SCIN: variants seen among roughly 807,000 people sequenced by gnomAD.
SCIN encodes the protein scinderin, also known as adseverin.
SCIN carries 91 observed loss-of-function variants against 91.8 expected under a neutral mutation model. The observed-to-expected ratio is 0.99, with a 90% CI of 0.84 to 1.18. SCIN has a LOEUF of 1.18. Ranked by LOEUF, SCIN falls within the 50% of genes most tolerant of loss-of-function variation. The probability of loss-of-function intolerance (pLI) is 0.00; values close to 1 mark genes in which losing one functional copy is unlikely to be tolerated. For synonymous variants in SCIN, 367 were observed against 312.6 expected (o/e 1.17, Z -1.84); for missense variants, 1,087 against 863.9 (o/e 1.26, Z -3.24).
intron 3 of SCIN, among the ~76,000 whole-genome samples, chr7:12,588,445 A>G (rs901165832): frequency 6.6e-6 from 1 of 152,126 alleles, no homozygotes; most frequent in Non-Finnish European, 1.5e-5. Flanking sequence ...AGGGCGCTGT[A>G]AGGTTAGCCG....
intron 7 of SCIN, 76 bp from the exon 8 acceptor site, chr7:12,626,508 G>T (rs1397571345): frequency 8.9e-7 from 1 of 1,127,426 alleles, no homozygotes; most frequent in Non-Finnish European, 1.2e-6. Flanking sequence ...CCTTACTTTT[G>T]TCTCCACTGC....
intron 6 of SCIN, among the ~76,000 whole-genome samples, 183 bp downstream of exon 6, chr7:12,625,325 G>A (rs868500230): frequency 6.7e-6 from 1 of 149,782 alleles, no homozygotes; most frequent in Non-Finnish European, 1.5e-5. Flanking sequence ...AGGGATTATG[G>A]AGTTAAAAAA....
At chr7:12,602,178 A>C (rs1782971652) in intron 3 of SCIN, among the ~76,000 whole-genome samples, 2 of 152,244 alleles carry the variant, frequency 1.3e-5, no homozygotes, top group South Asian at 4.1e-4. Context: ...CAGGGGTGAC[A>C]TCACATATTG....
intron 10 of SCIN, among the ~76,000 whole-genome samples, chr7:12,638,502 G>C (rs1783796954): frequency 6.6e-6 from 1 of 152,184 alleles, no homozygotes; most frequent in South Asian, 2.1e-4. Flanking sequence ...CCTTTACATG[G>C]TTGTGCCTGT....
intron 3 of SCIN, among the ~76,000 whole-genome samples, chr7:12,591,849 T>C (rs567306514): frequency 6.6e-6 from 1 of 152,106 alleles, no homozygotes; most frequent in Non-Finnish European, 1.5e-5. Flanking sequence ...CCTAAGTAAG[T>C]CATCATGGAG....
chr7:12,607,518 T>C (rs1409772939), intron 4 of SCIN, among the ~76,000 whole-genome samples: 1 of 152,224 alleles, frequency 6.6e-6, no homozygotes, highest in Non-Finnish European at 1.5e-5. Flanking sequence ...TTTAAAATAT[T>C]AGTGATAAGG....
chr7:12,605,650 T>G (rs1783067639), intron 4 of SCIN, among the ~76,000 whole-genome samples: 1 of 152,202 alleles, frequency 6.6e-6, no homozygotes, highest in Non-Finnish European at 1.5e-5. Context: ...GTGGGTGGAA[T>G]TTCCACTTGT....
intron 8 of SCIN, among the ~76,000 whole-genome samples, chr7:12,627,204 G>T (rs1478757317): frequency 6.6e-6 from 1 of 151,256 alleles, no homozygotes; most frequent in East Asian, 1.9e-4. Context: ...ATATTTAATG[G>T]CTCTCCACAG....
intron 2 of SCIN, among the ~76,000 whole-genome samples, chr7:12,579,873 C>A (rs1350992204): frequency 6.6e-6 from 1 of 152,172 alleles, no homozygotes; most frequent in Non-Finnish European, 1.5e-5. Flanking sequence ...GAGGTCATGC[C>A]ATTGCTCTCC....
intron 10 of SCIN, among the ~76,000 whole-genome samples, chr7:12,637,215 AACAGTGCAGAACAAGC>A (rs1361252526): frequency 6.6e-6 from 1 of 152,246 alleles, no homozygotes; most frequent in Admixed American, 6.5e-5. Context: ...AAATAAATAC[AACAGTGCAGAACAAGC>A]ACAGATTAAC....
intron 3 of SCIN, chr7:12,589,444 C>G (rs866830722): frequency 6.6e-6 from 1 of 152,210 alleles, no homozygotes; most frequent in African/African-American, 2.4e-5. Context: ...AAGATGGTCT[C>G]GATCTCCTGA....
At chr7:12,637,171 C>G (rs1783768401) in intron 10 of SCIN, among the ~76,000 whole-genome samples, 1 of 152,054 alleles carries the variant, frequency 6.6e-6, no homozygotes, top group South Asian at 2.1e-4. Flanking sequence ...TTTTAAGCCA[C>G]TAAATCATAG....
At chr7:12,582,900 A>C (rs756264083) in intron 3 of SCIN, among the ~76,000 whole-genome samples, 1 of 152,142 alleles carries the variant, frequency 6.6e-6, no homozygotes, top group Non-Finnish European at 1.5e-5. Context: ...CACCACTTGT[A>C]CTCTAAAGCC....
At chr7:12,625,686 G>A in intron 6 of SCIN, 76 bp from the exon 7 acceptor site, 1 of 1,034,920 alleles carries the variant, frequency 9.7e-7, no homozygotes, top group Non-Finnish European at 1.4e-6. Flanking sequence ...GTTTATTATG[G>A]TACACAAGTA....
chr7:12,612,958 A>G (rs890883138), intron 4 of SCIN, among the ~76,000 whole-genome samples: 3 of 152,184 alleles, frequency 2.0e-5, no homozygotes, highest in African/African-American at 7.2e-5. Flanking sequence ...CTTGGCAATC[A>G]TCTCTGAATG....
At chr7:12,587,849 C>T (rs914199935) in intron 3 of SCIN, among the ~76,000 whole-genome samples, 1 of 152,152 alleles carries the variant, frequency 6.6e-6, no homozygotes, top group Non-Finnish European at 1.5e-5. Context: ...ACTAGTCTTA[C>T]ACCACCTCAC....
chr7:12,593,397 T>A (rs1420591140), intron 3 of SCIN, among the ~76,000 whole-genome samples: 1 of 152,160 alleles, frequency 6.6e-6, no homozygotes, highest in East Asian at 1.9e-4. Context: ...CTTTTTAAGT[T>A]TGTGCCGGAT....
rs765321889 is a variant in SCIN at position 12,644,210 on chromosome 7, A to T, written c.1654A>T (p.Ile552Phe). 7 of 1,611,774 alleles carry T rather than the reference A, an allele frequency of 4.3e-6. No individual in the cohort carries two copies. Among genetic ancestry groups the T allele is most frequent in the Non-Finnish European group, 5.9e-6 (7 of 1,178,866 alleles). The change falls in exon 12 of 16, where the codon ATC becomes TTC. Residue 552 changes from isoleucine to phenylalanine, a missense_variant. Coordinates refer to ENST00000297029, the MANE Select transcript of SCIN (RefSeq NM_001112706.3). The stretch of plus-strand genomic sequence containing the variant: ...GAAACTGCCACAAAATAGTGGCTAC[A>T]TCTGGGTAGGAAAAGGTGCTAGCCA... ...VLKLPQNSGY[I>F]WVGKGASQEE...
rs965308220 is a variant in SCIN, at chr7:12,581,336, C to T, written c.516+115C>T. 1.9e-5 allele frequency: 19 copies of T among 1,005,496 alleles called. 1 individual carries two copies. The Admixed American group carries it at 4.1e-4, about 22-fold the overall frequency. The allele number at this position is 1,005,496 out of a possible 1,614,324, so 62.3% of individuals were successfully genotyped here. A position where few individuals can be genotyped will look rare whatever the true frequency, so the allele number is the denominator to read the frequency against. On this transcript the variant is annotated intron_variant, in intron 3 of 15. Coordinates refer to ENST00000297029, the MANE Select transcript of SCIN (RefSeq NM_001112706.3). ...TTTTCTACACACCAGAAAGGGGCCA[C>T]GTTTATGTGAGCTGAGTAATTGCCA...
Sources: gnomAD v4.1 joint callset for allele counts (sites outside exome capture counted in the v4.1 genomes callset) on GRCh38, gnomAD v4.1.1 for gene constraint, MANE v1.5 for transcripts, NCBI Gene and HGNC (gene_info 2026-07-23, HGNC 2026-07-21) for gene names.